Variants in DNAH3 observed in about 807,000 individuals in gnomAD.
DNAH3 encodes dynein axonemal heavy chain 3.
In DNAH3, 332 loss-of-function variants were observed where a neutral mutation model predicts 432.5. That is an observed-to-expected ratio of 0.77 (90% CI 0.70 to 0.84). The LOEUF is 0.84. DNAH3 is among the 40% of genes least tolerant of loss of function. DNAH3 has a pLI of 0.00. For synonymous variants in DNAH3, 1,956 were observed against 1,900.2 expected (o/e 1.03, Z -0.76); for missense variants, 4,861 against 5,114.0 (o/e 0.95, Z 1.51).
At chr16:21,020,283 A>G (rs2088097829) in intron 40 of DNAH3, among the ~76,000 whole-genome samples, 1 of 140,806 alleles carries the variant, frequency 7.1e-6, no homozygotes, top group African/African-American at 2.7e-5. Flanking sequence ...CGGCCTCTCA[A>G]AATGCTAGGA....
chr16:21,034,744 A>G (rs1036266664), intron 35 of DNAH3, among the ~76,000 whole-genome samples: 2 of 152,222 alleles, frequency 1.3e-5, no homozygotes, highest in African/African-American at 2.4e-5. Context: ...GAGGTGAGTA[A>G]TAAGAAGCAT....
intron 57 of DNAH3, among the ~76,000 whole-genome samples, chr16:20,945,095 G>A (rs79817938): frequency 0.072 from 10,973 of 152,244 alleles, 511 homozygotes; most frequent in Non-Finnish European, 0.11. Flanking sequence ...GATGAGACAG[G>A]AGTCAGCACA....
At chr16:21,104,589 C>T (rs2091906853) in intron 15 of DNAH3, 1 of 1,568,424 alleles carries the variant, frequency 6.4e-7, no homozygotes, top group Non-Finnish European at 8.8e-7. Context: ...AATTTGATGT[C>T]CTCATCTGCA....
intron 51 of DNAH3, among the ~76,000 whole-genome samples, chr16:20,974,954 G>A (rs1037281834): frequency 5.4e-5 from 8 of 149,514 alleles, no homozygotes; most frequent in Non-Finnish European, 8.9e-5. Flanking sequence ...GAGTAGCTCG[G>A]ATTACAGATG....
chr16:20,991,382 C>T (rs965623957), intron 44 of DNAH3, among the ~76,000 whole-genome samples: 3 of 152,036 alleles, frequency 2.0e-5, no homozygotes, highest in Admixed American at 6.6e-5. Flanking sequence ...TCTCCTTCCT[C>T]AACCCCAAGT....
intron 6 of DNAH3, 87 bp from the exon 8 acceptor site, chr16:21,134,541 A>G: frequency 1.5e-6 from 2 of 1,292,716 alleles, no homozygotes; most frequent in Non-Finnish European, 2.1e-6. Flanking sequence ...TTTTTAATAT[A>G]GAGACGGGGT....
chr16:21,154,068 C>T (rs886686448), intron 1 of DNAH3, among the ~76,000 whole-genome samples: 1 of 152,176 alleles, frequency 6.6e-6, no homozygotes, highest in African/African-American at 2.4e-5. Flanking sequence ...TGTGAAACCT[C>T]ATGTCCCACC....
chr16:21,081,541 A>T, intron 20 of DNAH3, 95 bp downstream of exon 20: 1 of 1,026,400 alleles, frequency 9.7e-7, no homozygotes, highest in South Asian at 1.7e-5. Context: ...AAGGAAAAAA[A>T]AACAAACAGC....
chr16:21,039,196 A>AT (rs1399251581), intron 33 of DNAH3, among the ~76,000 whole-genome samples: 4 of 147,120 alleles, frequency 2.7e-5, no homozygotes, highest in Non-Finnish European at 5.9e-5. Flanking sequence ...GAATAATTGC[A>AT]TATGTTTTAT....
intron 23 of DNAH3, among the ~76,000 whole-genome samples, 156 bp from the exon 24 acceptor site, chr16:21,067,575 G>C (rs1395712620): frequency 6.6e-6 from 1 of 152,020 alleles, no homozygotes; most frequent in African/African-American, 2.4e-5. Flanking sequence ...GAATGCTTAT[G>C]GAACATGACC....
chr16:21,052,272 G>A (rs1333052579), intron 28 of DNAH3, among the ~76,000 whole-genome samples: 12 of 152,148 alleles, frequency 7.9e-5, no homozygotes, highest in Admixed American at 4.6e-4. Flanking sequence ...GATTACAGGC[G>A]TGAGCCACCG....
intron 24 of DNAH3, among the ~76,000 whole-genome samples, chr16:21,066,843 T>G (rs1265336220): frequency 6.6e-6 from 1 of 152,236 alleles, no homozygotes; most frequent in African/African-American, 2.4e-5. Flanking sequence ...TTTACATGTG[T>G]TAGTTCATTA....
intron 18 of DNAH3, among the ~76,000 whole-genome samples, chr16:21,094,852 G>C (rs1212992172): frequency 2.0e-5 from 3 of 152,132 alleles, no homozygotes; most frequent in Non-Finnish European, 4.4e-5. Context: ...TAGTGAATAA[G>C]TCTCATGAGA....
chr16:20,955,146 AACAGACCAGCC>A, intron 54 of DNAH3, 89 bp from the exon 55 acceptor site: 1 of 1,346,322 alleles, frequency 7.4e-7, no homozygotes, highest in South Asian at 1.6e-5. Flanking sequence ...ACAATAACAA[AACAGACCAGCC>A]TGGGTAACAT....
At chr16:21,092,096 T>A (rs2152785460) in intron 18 of DNAH3, among the ~76,000 whole-genome samples, 1 of 152,292 alleles carries the variant, frequency 6.6e-6, no homozygotes, top group East Asian at 1.9e-4. Flanking sequence ...AGTTATTTTG[T>A]GGATATTGAC....
At chr16:20,964,791 C>T (rs1247205757) in exon 53 of DNAH3, 1 of 1,614,144 alleles carries the variant, frequency 6.2e-7, no homozygotes. Flanking sequence ...CAGGGATGAC[C>T]TTGTCCTTAC....
chr16:21,149,440 C>A (rs28532322), intron 1 of DNAH3, among the ~76,000 whole-genome samples: 1,588 of 152,240 alleles, frequency 0.01, 33 homozygotes, highest in African/African-American at 0.036. Context: ...AACAGAAATT[C>A]TGGAACTTAG....
At chr16:20,941,367 A>C (rs1455192710) in intron 59 of DNAH3, 34 bp downstream of exon 59, 1 of 1,612,002 alleles carries the variant, frequency 6.2e-7, no homozygotes, top group South Asian at 1.1e-5. Flanking sequence ...TCACGTTCCA[A>C]CTCCCAGGAT....
chr16:21,133,789 A>T (rs2092603673), intron 7 of DNAH3, among the ~76,000 whole-genome samples: 2 of 152,338 alleles, frequency 1.3e-5, no homozygotes, highest in Non-Finnish European at 1.5e-5. Context: ...TGCCAAATTA[A>T]CAATTACTGG....
Sources: allele counts gnomAD v4.1 joint callset (sites outside exome capture counted in the v4.1 genomes callset), GRCh38; gene constraint gnomAD v4.1.1; transcripts MANE v1.5; gene names NCBI Gene and HGNC (gene_info 2026-07-23, HGNC 2026-07-21).